TMEM245: variants seen among roughly 807,000 people sequenced by gnomAD.
TMEM245 encodes transmembrane protein 245.
A neutral mutation model predicts 101.2 loss-of-function variants in TMEM245; 69 were observed. The observed-to-expected ratio is 0.68, with a 90% CI of 0.56 to 0.83. The LOEUF is 0.83. Among genes scored for constraint, TMEM245 ranks in the 40% least tolerant of loss-of-function variants. The probability of loss-of-function intolerance (pLI) is 0.00; values close to 1 mark genes in which losing one functional copy is unlikely to be tolerated. For missense variants in TMEM245, 1,075 were observed against 1,092.8 expected, an observed-to-expected ratio of 0.98 and a Z score of 0.23; for synonymous variants, 537 against 449.8, an observed-to-expected ratio of 1.19 and a Z score of -2.45.
chr9:109,050,769 A>G (rs568741063), intron 12 of TMEM245, 77 bp from the exon 13 acceptor site: 280 of 1,551,482 alleles, frequency 1.8e-4, no homozygotes, highest in Non-Finnish European at 2.4e-4. Context: ...TGTGCTTTTA[A>G]TACAGTGTTT....
chr9:109,101,536 T>C (rs1489793349), intron 3 of TMEM245, among the ~76,000 whole-genome samples: 1 of 152,134 alleles, frequency 6.6e-6, no homozygotes. Flanking sequence ...CTCAGAAATT[T>C]AGGAAAAAGA....
intron 7 of TMEM245, among the ~76,000 whole-genome samples, chr9:109,081,443 AT>A (rs1176198384): frequency 3.3e-5 from 5 of 152,140 alleles, no homozygotes; most frequent in African/African-American, 1.2e-4. Flanking sequence ...CATTCAAAAT[AT>A]TTTTTCCATT....
intron 17 of TMEM245, among the ~76,000 whole-genome samples, chr9:109,032,365 C>CTTTTTTTTT (rs755399182): frequency 0.011 from 437 of 40,976 alleles, 158 homozygotes; most frequent in Non-Finnish European, 0.012. Flanking sequence ...ATTTCTTTTC[C>CTTTTTTTTT]TTTTTTTTTT....
intron 1 of TMEM245, among the ~76,000 whole-genome samples, chr9:109,117,160 A>C (rs2132685240): frequency 6.6e-6 from 1 of 151,816 alleles, no homozygotes; most frequent in African/African-American, 2.4e-5. Flanking sequence ...CCCAGAATGG[A>C]GTGCAGTGGT....
chr9:109,026,481 A>G (rs747370884), intron 17 of TMEM245, among the ~76,000 whole-genome samples: 4 of 152,028 alleles, frequency 2.6e-5, no homozygotes, highest in African/African-American at 4.8e-5. Flanking sequence ...TAGAGAAAGC[A>G]GCGTGCACAA....
chr9:109,081,410 G>A (rs758062970), intron 7 of TMEM245, among the ~76,000 whole-genome samples: 2 of 151,922 alleles, frequency 1.3e-5, no homozygotes, highest in Non-Finnish European at 2.9e-5. Flanking sequence ...AGATAAAATT[G>A]GAGCAAATTA....
intron 5 of TMEM245, 42 bp from the exon 6 acceptor site, chr9:109,087,384 T>C: frequency 6.6e-7 from 1 of 1,512,374 alleles, no homozygotes; most frequent in East Asian, 2.4e-5. Context: ...AAAATATAGA[T>C]TAACAAGTTG....
In TMEM245 at chr9:109,038,070, T is replaced by C; in HGVS notation, c.2171A>G (p.Tyr724Cys). ...AAACATAGTATGAGTCAGCCAGGTA[T>C]ACAATCCATAGAAGCCAGCCATTTT... ...SLKMAGFYGL[Y>C]TWLTHTMFGI... The change falls in exon 15 of 18, where the codon TAT (tyrosine) becomes TGT (cysteine). Residue 724 changes from tyrosine (Y) to cysteine (C), a missense_variant. Tyr to Cys is a radical substitution (Grantham distance 194). Coordinates refer to ENST00000374586, the MANE Select transcript of TMEM245 (RefSeq NM_032012.4). 3 of 1,613,472 alleles carry C rather than the reference T, an allele frequency of 1.9e-6. No individual in the cohort carries two copies. The highest frequency in any genetic ancestry group is 2.5e-6 in the Non-Finnish European group (3 of 1,179,726).
intron 3 of TMEM245, among the ~76,000 whole-genome samples, chr9:109,102,684 T>G (rs1388390573): frequency 6.6e-6 from 1 of 152,206 alleles, no homozygotes; most frequent in Admixed American, 6.5e-5. Flanking sequence ...CTGTAGACAG[T>G]GAGATTTTGA....
intron 9 of TMEM245, among the ~76,000 whole-genome samples, chr9:109,068,580 A>G (rs1400732331): frequency 6.6e-6 from 1 of 152,060 alleles, no homozygotes; most frequent in Admixed American, 6.6e-5. Flanking sequence ...TGAAGGTTGC[A>G]CTGAGCCAAG....
At chr9:109,054,139 C>T (rs552381371) in intron 12 of TMEM245, among the ~76,000 whole-genome samples, 8 of 152,160 alleles carry the variant, frequency 5.3e-5, no homozygotes, top group Non-Finnish European at 1.2e-4. Context: ...AAGACCAGCC[C>T]GTGCAACATA....
chr9:109,077,740 T>A (rs190163643), intron 8 of TMEM245, among the ~76,000 whole-genome samples: 9 of 152,374 alleles, frequency 5.9e-5, no homozygotes, highest in African/African-American at 2.2e-4. Flanking sequence ...ACTGCACATA[T>A]TTTCTGTGGA....
intron 11 of TMEM245, 81 bp from the exon 12 acceptor site, chr9:109,057,403 G>T: frequency 6.6e-7 from 1 of 1,513,976 alleles, no homozygotes; most frequent in South Asian, 1.2e-5. Context: ...TTTTGCTTCA[G>T]GTCCCCTTCA....
chr9:109,034,684 G>C (rs1424195146), intron 16 of TMEM245, among the ~76,000 whole-genome samples: 1 of 152,108 alleles, frequency 6.6e-6, no homozygotes, highest in Admixed American at 6.5e-5. Context: ...GGGCTCAAGT[G>C]ATCCACCCAC....
intron 3 of TMEM245, among the ~76,000 whole-genome samples, chr9:109,099,683 T>C (rs924753096): frequency 2.6e-5 from 4 of 152,196 alleles, no homozygotes; most frequent in Admixed American, 6.5e-5. Flanking sequence ...GCCTTACTTA[T>C]AGGAGATAAC....
intron 3 of TMEM245, 31 bp downstream of exon 3, chr9:109,106,477 A>G: frequency 7.2e-7 from 1 of 1,389,492 alleles, no homozygotes; most frequent in Non-Finnish European, 1.0e-6. Context: ...TACTTCAAAG[A>G]GTAGTATTAA....
chr9:109,084,031 ATCACGTCGCTGCACTCCAGCC>A (rs1287011560), intron 7 of TMEM245, among the ~76,000 whole-genome samples: 1 of 150,074 alleles, frequency 6.7e-6, no homozygotes, highest in Non-Finnish European at 1.5e-5. Flanking sequence ...GTGAGTCAAG[ATCACGTCGCTGCACTCCAGCC>A]TGGGTGACAG....
chr9:109,083,918 A>G (rs1250749531), intron 7 of TMEM245, among the ~76,000 whole-genome samples: 2 of 143,488 alleles, frequency 1.4e-5, no homozygotes, highest in African/African-American at 5.2e-5. Context: ...AAAAAAAAAA[A>G]AAAAAAAAAA....
At chr9:109,086,892 C>A (rs140989216) in intron 6 of TMEM245, among the ~76,000 whole-genome samples, 1,531 of 152,262 alleles carry the variant, frequency 0.01, 11 homozygotes, top group Non-Finnish European at 0.013. Context: ...AGTCGCTTAA[C>A]CTCTCTGGAT....
Sources: allele counts gnomAD v4.1 joint callset (sites outside exome capture counted in the v4.1 genomes callset), GRCh38; gene constraint gnomAD v4.1.1; transcripts MANE v1.5; gene names NCBI Gene and HGNC (gene_info 2026-07-23, HGNC 2026-07-21).